Variants in NOMO3 observed in about 807,000 individuals in gnomAD.
The protein encoded by NOMO3 is NODAL modulator 3.
NOMO3 carries 15 observed loss-of-function variants against 69.9 expected under a neutral mutation model. That is an observed-to-expected ratio of 0.21 (90% CI 0.14 to 0.33). The LOEUF is 0.33. Ranked by LOEUF, NOMO3 falls within the 10% of genes least tolerant of loss-of-function variation. The pLI is 1.00. For synonymous variants in NOMO3, 89 were observed against 301.9 expected (o/e 0.29, Z 7.31); for missense variants, 218 against 761.0 (o/e 0.29, Z 8.39).
chr16:16,262,855 A>G (rs2049575930), intron 12 of NOMO3, among the ~76,000 whole-genome samples: 1 of 141,826 alleles, frequency 7.1e-6, no homozygotes, highest in Non-Finnish European at 1.5e-5. Flanking sequence ...GTTCATACAC[A>G]TCGGTCTGTT....
chr16:16,254,335 A>G lies in NOMO3; in HGVS notation c.964-1385A>G, dbSNP rs1286455023. ...TAACATGTGATTTAGTGCCTGGCAC[A>G]TAGTAGGTGCCCAGCAAAAATATTT... On this transcript the variant is annotated intron_variant, in intron 9 of 30. Transcript: ENST00000399336. Among the ~76,000 whole-genome samples, 2 of 143,596 alleles carry G rather than the reference A, an allele frequency of 1.4e-5. 1 individual carries two copies. Among genetic ancestry groups the G allele is most frequent in the African/African-American group, 5.8e-5 (2 of 34,544 alleles). 94.2% of individuals were successfully genotyped at this position (143,596 alleles called of 152,430 possible). A position where few individuals can be genotyped will look rare whatever the true frequency, so the allele number is the denominator to read the frequency against.
intron 3 of NOMO3, among the ~76,000 whole-genome samples, chr16:16,241,464 C>A (rs2049373084): frequency 7.5e-6 from 1 of 133,680 alleles, no homozygotes; most frequent in Non-Finnish European, 1.5e-5. Context: ...GTTGCCCAGG[C>A]TGGAGTGTGA....
chr16:16,262,999 T>C (rs1040096957), intron 12 of NOMO3, 75 bp from the exon 13 acceptor site: 6 of 1,557,306 alleles, frequency 3.9e-6, no homozygotes, highest in South Asian at 1.2e-5. Context: ...CCCAGATGAA[T>C]GTTCTAGCGC....
intron 13 of NOMO3, 129 bp from the exon 14 acceptor site, chr16:16,263,384 C>T (rs755821330): frequency 3.3e-5 from 52 of 1,558,504 alleles, no homozygotes; most frequent in Non-Finnish European, 3.9e-5. Flanking sequence ...AGAAGCGCTC[C>T]GTCTGCCTCC....
At position 16,261,120 on chromosome 16, in the gene NOMO3, C is replaced by G. The variant is rs2049561643; in HGVS notation, c.1221-382C>G. On this transcript the variant is annotated intron_variant, in intron 11 of 30. Coordinates refer to ENST00000399336, the MANE Select transcript of NOMO3 (RefSeq NM_001004067.4). ...AGCTTAGAGCTCTTGCTTTTAAGGG[C>G]TAGCCCACATTCTCAGTCCAAGGCC... is the stretch of plus-strand genomic sequence containing the variant. 8.2e-6 allele frequency: 2 copies of G among 242,530 alleles called. 1 individual carries two copies. The highest frequency in any genetic ancestry group is 1.5e-5 in the Non-Finnish European group (2 of 132,396). The allele number at this position is 242,530 out of a possible 1,614,324, so 15.0% of individuals were successfully genotyped here. A position where few individuals can be genotyped will look rare whatever the true frequency, so the allele number is the denominator to read the frequency against.
At chr16:16,248,824 A>G (rs1259649216) in intron 6 of NOMO3, among the ~76,000 whole-genome samples, 1 of 152,276 alleles carries the variant, frequency 6.6e-6, no homozygotes, top group Admixed American at 6.5e-5. Flanking sequence ...GCTGTTCAAA[A>G]TGATACTGAC....
chr16:16,254,823 C>G lies in NOMO3; in HGVS notation c.964-897C>G, dbSNP rs2049496440. Among the ~76,000 whole-genome samples, 2 of 145,100 alleles carry G rather than the reference C, an allele frequency of 1.4e-5. 1 individual carries two copies. The highest frequency in any genetic ancestry group is 5.6e-5 in the African/African-American group (2 of 35,804). On this transcript the variant is annotated intron_variant, in intron 9 of 30. Coordinates refer to ENST00000399336, the MANE Select transcript of NOMO3 (RefSeq NM_001004067.4). ...TAACTGCAGAGAAAGCACAGCTGTG[C>G]TGCTCACAGGCGAGTGGGGCACAGA...
At chr16:16,269,429 ATTTTTTTT>A (rs750179595) in intron 16 of NOMO3, among the ~76,000 whole-genome samples, 4 of 111,512 alleles carry the variant, frequency 3.6e-5, no homozygotes, top group Non-Finnish European at 7.1e-5. Flanking sequence ...GAGAAACCTG[ATTTTTTTT>A]TTTTTTTTTT....
rs59243746 is a variant in NOMO3, at chr16:16,265,670, ATT to A, written c.1806+518_1806+519del. Reference sequence around the variant, plus strand: ...TATATATATATATATATATATATATATTTTTTTTTTTTTTTTTTTTTTTTTTT... The same window carrying A: ...TATATATATATATATATATATATATATTTTTTTTTTTTTTTTTTTTTTTTT... On this transcript the variant is annotated intron_variant, in intron 15 of 30. Transcript: ENST00000399336. Among the ~76,000 whole-genome samples, 76 of 16,618 alleles carry A rather than the reference ATT, an allele frequency of 4.6e-3. 1 individual carries two copies. The highest frequency in any genetic ancestry group is 0.01 in the African/African-American group (33 of 3,242). 10.9% of individuals were successfully genotyped at this position (16,618 alleles called of 152,430 possible).
intron 1 of NOMO3, among the ~76,000 whole-genome samples, chr16:16,234,889 G>T (rs530456950): frequency 1.4e-4 from 22 of 152,096 alleles, no homozygotes; most frequent in Middle Eastern, 3.4e-3. Context: ...AAAACTGGGT[G>T]CTTTATTTCT....
chr16:16,264,753 G>A (rs1019487005), intron 14 of NOMO3, among the ~76,000 whole-genome samples: 2 of 138,012 alleles, frequency 1.4e-5, no homozygotes, highest in Admixed American at 1.4e-4. Flanking sequence ...TTGCTATGTT[G>A]GTCAGACTGG....
chr16:16,265,300 C>A, intron 15 of NOMO3, 121 bp downstream of exon 15: 1 of 1,570,454 alleles, frequency 6.4e-7, no homozygotes, highest in South Asian at 1.1e-5. Context: ...TCTGCCTCTG[C>A]ACTCACCCAC....
At chr16:16,258,635 G>A (rs542549161) in intron 11 of NOMO3, among the ~76,000 whole-genome samples, 3 of 142,730 alleles carry the variant, frequency 2.1e-5, no homozygotes, top group Non-Finnish European at 4.4e-5. Flanking sequence ...GGAGGCTGAG[G>A]TGGGCGGATC....
chr16:16,269,425 C>G lies in NOMO3; in HGVS notation c.1895-696C>G, dbSNP rs565308730. On this transcript the variant is annotated intron_variant, in intron 16 of 30. Coordinates refer to ENST00000399336, the MANE Select transcript of NOMO3 (RefSeq NM_001004067.4). ...AGACCAAACAAAACAAACAGAGAAA[C>G]CTGATTTTTTTTTTTTTTTTTTTTT... is the stretch of plus-strand genomic sequence containing the variant. Among the ~76,000 whole-genome samples the G allele has an allele frequency of 1.1e-4, 15 of 139,546 alleles. 4 individuals are homozygous for G. In the East Asian group the frequency reaches 3.6e-3, roughly 33 times the overall value. 91.5% of individuals were successfully genotyped at this position (139,546 alleles called of 152,430 possible). A position where few individuals can be genotyped will look rare whatever the true frequency, so the allele number is the denominator to read the frequency against.
intron 3 of NOMO3, among the ~76,000 whole-genome samples, chr16:16,241,104 C>T (rs1029088492): frequency 3.5e-5 from 5 of 143,212 alleles, no homozygotes; most frequent in African/African-American, 1.4e-4. Flanking sequence ...CCCATGTATC[C>T]ACCATCCAGA....
At chr16:16,240,748 A>G (rs1596799014) in intron 3 of NOMO3, among the ~76,000 whole-genome samples, 1 of 143,500 alleles carries the variant, frequency 7.0e-6, no homozygotes, top group South Asian at 2.2e-4. Flanking sequence ...ACCGTTGTTG[A>G]TATCAGGCTT....
At position 16,249,785 on chromosome 16, in the gene NOMO3, A is replaced by G. The variant is rs1021270907; in HGVS notation, c.583-1143A>G. On this transcript the variant is annotated intron_variant, in intron 6 of 30. Coordinates refer to ENST00000399336, the MANE Select transcript of NOMO3 (RefSeq NM_001004067.4). ...CCTGGGGTGTTAGTGACCGGAAGCA[A>G]GTGTGAGGGCACTTCTGGCTTGCTG... is the stretch of plus-strand genomic sequence containing the variant. 1.3e-4 allele frequency among the ~76,000 whole-genome samples: 19 copies of G among 143,600 alleles called. 2 individuals are homozygous for G. Among genetic ancestry groups the G allele is most frequent in the Admixed American group, 1.1e-3 (16 of 14,768 alleles). The allele number at this position is 143,600 out of a possible 152,430, so 94.2% of individuals were successfully genotyped here.
Position 16,245,183 on chromosome 16 carries a change from CGTCCTGTCT to C in NOMO3, c.509+10_509+18del. The C allele has an allele frequency of 8.5e-6, 9 of 1,059,736 alleles. No individual in the cohort carries two copies. Among genetic ancestry groups the C allele is most frequent in the Non-Finnish European group, 1.2e-5 (9 of 753,972 alleles). 65.6% of individuals were successfully genotyped at this position (1,059,736 alleles called of 1,614,324 possible). A position where few individuals can be genotyped will look rare whatever the true frequency, so the allele number is the denominator to read the frequency against. On this transcript the variant is annotated intron_variant, in intron 5 of 30. Coordinates refer to ENST00000399336, the MANE Select transcript of NOMO3 (RefSeq NM_001004067.4). ...ACACAGCCTGGCGGAAAGTGAGTAG[CGTCCTGTCT>C]CTTAGTGTTGCCTTAGAGCCGGGCT... is the stretch of plus-strand genomic sequence containing the variant.
chr16:16,264,982 G>T, intron 14 of NOMO3, 61 bp from the exon 15 acceptor site: 1 of 1,113,766 alleles, frequency 9.0e-7, no homozygotes, highest in Non-Finnish European at 1.2e-6. Flanking sequence ...GTTTCTGGTG[G>T]CGTGCAGGGA....
Sources: gnomAD v4.1 joint callset for allele counts (sites outside exome capture counted in the v4.1 genomes callset) on GRCh38, gnomAD v4.1.1 for gene constraint, MANE v1.5 for transcripts, NCBI Gene and HGNC (gene_info 2026-07-23, HGNC 2026-07-21) for gene names.